RASEF: variants seen among roughly 807,000 people sequenced by gnomAD.
RASEF encodes ras and EF-hand domain-containing protein.
In RASEF, 68 loss-of-function variants were observed where a neutral mutation model predicts 90.1. The observed-to-expected ratio is 0.75, with a 90% confidence interval of 0.62 to 0.92. The LOEUF is 0.92. Ranked by LOEUF, RASEF falls within the 40% of genes least tolerant of loss-of-function variation. The pLI, the probability that RASEF is intolerant of heterozygous loss-of-function variation, is 0.00. For synonymous variants in RASEF, 331 were observed against 345.2 expected (o/e 0.96, Z 0.46); for missense variants, 949 against 937.2 (o/e 1.01, Z -0.16).
At chr9:83,156,897 C>T in the RASEF span, among the ~76,000 whole-genome samples, 1 of 152,208 alleles carries the variant, frequency 6.6e-6, no homozygotes, top group Admixed American at 6.5e-5. Context: ...TGGTGATAAA[C>T]AGTTTTCACT....
chr9:83,160,824 C>T, the RASEF span, among the ~76,000 whole-genome samples: 1 of 152,122 alleles, frequency 6.6e-6, no homozygotes, highest in Non-Finnish European at 1.5e-5. Context: ...AGATTTGGTG[C>T]CCTGTGTCCC....
intron 15 of RASEF, among the ~76,000 whole-genome samples, chr9:82,992,318 T>C (rs1456745468): frequency 6.6e-6 from 1 of 152,198 alleles, no homozygotes; most frequent in Non-Finnish European, 1.5e-5. Context: ...ATGACACTGA[T>C]GGGAGAATAA....
intron 1 of RASEF, among the ~76,000 whole-genome samples, chr9:83,061,226 C>G (rs1023740145): frequency 2.0e-5 from 3 of 152,216 alleles, no homozygotes; most frequent in Non-Finnish European, 4.4e-5. Flanking sequence ...TACACACCCA[C>G]TTTCTCTACA....
At chr9:83,116,089 A>G in the RASEF span, among the ~76,000 whole-genome samples, 8 of 152,188 alleles carry the variant, frequency 5.3e-5, no homozygotes, top group Non-Finnish European at 8.8e-5. Flanking sequence ...ACTCCCTGCC[A>G]AGGCTTCATT....
intron 1 of RASEF, among the ~76,000 whole-genome samples, chr9:83,035,686 T>C (rs1282836606): frequency 6.6e-6 from 1 of 152,168 alleles, no homozygotes; most frequent in East Asian, 1.9e-4. Context: ...TCTAGTAGTG[T>C]TAGCGCAAGT....
the RASEF span, among the ~76,000 whole-genome samples, chr9:83,092,862 A>C: frequency 6.6e-6 from 1 of 151,794 alleles, no homozygotes; most frequent in Middle Eastern, 3.4e-3. Context: ...ATACAGAGTA[A>C]GGACACAAAG....
chr9:83,115,028 G>A, the RASEF span, among the ~76,000 whole-genome samples: 22 of 152,126 alleles, frequency 1.4e-4, no homozygotes, highest in South Asian at 1.9e-3. Context: ...GGAACCTGCC[G>A]ACATGTGATG....
At chr9:83,093,992 T>C in the RASEF span, among the ~76,000 whole-genome samples, 3 of 152,230 alleles carry the variant, frequency 2.0e-5, no homozygotes, top group Non-Finnish European at 4.4e-5. Context: ...CAGACTTCTT[T>C]ATTGCAAGAC....
At chr9:83,134,939 G>T in the RASEF span, among the ~76,000 whole-genome samples, 24 of 152,144 alleles carry the variant, frequency 1.6e-4, no homozygotes, top group Non-Finnish European at 3.5e-4. Flanking sequence ...GCATGCTACA[G>T]TATGGATGAA....
chr9:83,211,159 G>C, the RASEF span, among the ~76,000 whole-genome samples: 1 of 152,096 alleles, frequency 6.6e-6, no homozygotes, highest in Non-Finnish European at 1.5e-5. Flanking sequence ...TGCCTCTTTA[G>C]TCTCCTTCAA....
chr9:83,048,337 C>G, intron 1 of RASEF: 32 of 985,320 alleles, frequency 3.2e-5, no homozygotes, highest in Non-Finnish European at 3.9e-5. Context: ...CTGAGTGTAG[C>G]TGGTCTGTTT....
chr9:83,172,939 T>A, the RASEF span, among the ~76,000 whole-genome samples: 4 of 151,992 alleles, frequency 2.6e-5, no homozygotes, highest in East Asian at 7.7e-4. Context: ...TCTTGTAAGA[T>A]AAATTCCCTT....
chr9:82,995,471 G>T (rs1828898711), intron 14 of RASEF, among the ~76,000 whole-genome samples: 4 of 151,958 alleles, frequency 2.6e-5, no homozygotes, highest in Non-Finnish European at 4.4e-5. Flanking sequence ...TGAGATGGGG[G>T]TCTCGCTCTG....
At chr9:83,140,707 A>G in the RASEF span, among the ~76,000 whole-genome samples, 5 of 152,244 alleles carry the variant, frequency 3.3e-5, no homozygotes, top group Non-Finnish European at 7.3e-5. Context: ...ATTGCTTTAA[A>G]GATGCAGAGA....
the RASEF span, among the ~76,000 whole-genome samples, chr9:83,208,243 G>C: frequency 1.3e-5 from 2 of 152,104 alleles, no homozygotes; most frequent in African/African-American, 4.8e-5. Context: ...TCTCCCAGGG[G>C]CGTGTCTCCA....
the RASEF span, among the ~76,000 whole-genome samples, chr9:83,195,098 C>T: frequency 1.3e-5 from 2 of 152,322 alleles, no homozygotes; most frequent in South Asian, 2.1e-4. Flanking sequence ...GGAGCATGCC[C>T]TTGGGCTGCC....
Position 82,982,631 on chromosome 9 carries a change from C to G in RASEF, c.*46G>C. The G allele has an allele frequency of 9.6e-7, 1 of 1,039,926 alleles. No individual in the cohort carries two copies. The highest frequency in any genetic ancestry group is 1.3e-5 in the South Asian group (1 of 79,394). The allele number at this position is 1,039,926 out of a possible 1,614,324, so 64.4% of individuals were successfully genotyped here. Reference sequence around the variant, plus strand: ...AAGAGCCAAATAAGTCACACAAATTCAGTATTCTGGAAATGAAGACTTCAC... The same window carrying G: ...AAGAGCCAAATAAGTCACACAAATTGAGTATTCTGGAAATGAAGACTTCAC... On this transcript the variant is annotated 3_prime_UTR_variant, in exon 17 of 17. Transcript: ENST00000376447.
the RASEF span, among the ~76,000 whole-genome samples, chr9:83,176,196 T>C: frequency 7.2e-5 from 11 of 152,216 alleles, no homozygotes; most frequent in Non-Finnish European, 1.5e-4. Flanking sequence ...TGTGCATATA[T>C]GTTTATAATT....
chr9:83,215,014 G>C, the RASEF span, among the ~76,000 whole-genome samples: 1 of 151,568 alleles, frequency 6.6e-6, no homozygotes, highest in South Asian at 2.1e-4. Flanking sequence ...CAGACCAGCA[G>C]ACAAAGAGAT....
Sources: gnomAD v4.1 joint callset for allele counts (sites outside exome capture counted in the v4.1 genomes callset) on GRCh38, gnomAD v4.1.1 for gene constraint, MANE v1.5 for transcripts, NCBI Gene and HGNC (gene_info 2026-07-23, HGNC 2026-07-21) for gene names.